ANKS6: variants seen among roughly 807,000 people sequenced by gnomAD.
The protein encoded by ANKS6 is ankyrin repeat and sterile alpha motif domain containing 6.
ANKS6 carries 47 observed loss-of-function variants against 77.9 expected under a neutral mutation model. The observed-to-expected ratio is 0.60, with a 90% CI of 0.48 to 0.77. ANKS6 has a LOEUF of 0.77. Among genes scored for constraint, ANKS6 ranks in the 30% least tolerant of loss-of-function variants. The probability of loss-of-function intolerance (pLI) is 0.00; values close to 1 mark genes in which losing one functional copy is unlikely to be tolerated. For missense variants in ANKS6, 1,150 were observed against 1,159.1 expected, an observed-to-expected ratio of 0.99 and a Z score of 0.11; for synonymous variants, 488 against 501.7, an observed-to-expected ratio of 0.97 and a Z score of 0.37.
chr9:98,791,788 A>G lies in ANKS6; in HGVS notation c.360-1182T>C, dbSNP rs41283632. On this transcript the variant is annotated intron_variant, in intron 1 of 14. Transcript: ENST00000353234. The surrounding 1 kb of genome is among the most constrained non-coding windows in gnomAD (Gnocchi z 4.3). ...CCTCCTGGCGGCTGGCGGCCAGGCC[A>G]GGGCTGAACTCTGTCTGAGGCTCCG... Among the ~76,000 whole-genome samples the G allele has an allele frequency of 8.4e-3, 1,276 of 152,182 alleles. 5 individuals are homozygous for G. The highest frequency in any genetic ancestry group is 0.024 in the South Asian group (116 of 4,810).
chr9:98,774,681 C>T (rs1833831151), intron 8 of ANKS6, among the ~76,000 whole-genome samples: 1 of 152,224 alleles, frequency 6.6e-6, no homozygotes, highest in Admixed American at 6.5e-5. Context: ...TTGCTCCAGC[C>T]ACGCCTCCTG....
intron 11 of ANKS6, among the ~76,000 whole-genome samples, chr9:98,767,314 C>T (rs1833355843): frequency 6.6e-6 from 1 of 152,086 alleles, no homozygotes; most frequent in Admixed American, 6.6e-5. Flanking sequence ...CAAGTTGTTC[C>T]CTCACACCAG....
Position 98,734,513 on chromosome 9 carries a change from C to G in ANKS6, c.*2006G>C. On this transcript the variant is annotated 3_prime_UTR_variant, in exon 15 of 15. Transcript: ENST00000353234. ...AACAATTCTAGGCCTACTGTTAACC[C>G]CTGAAGCCATCAGTAAATTAAAACA... is the stretch of plus-strand genomic sequence containing the variant. 1.0e-6 allele frequency: 1 copy of G among 985,396 alleles called. No homozygotes were observed. The highest frequency in any genetic ancestry group is 1.2e-6 in the Non-Finnish European group (1 of 829,920). 61.0% of individuals were successfully genotyped at this position (985,396 alleles called of 1,614,324 possible). A position where few individuals can be genotyped will look rare whatever the true frequency, so the allele number is the denominator to read the frequency against.
intron 4 of ANKS6, 21 bp downstream of exon 4, chr9:98,783,932 G>T: frequency 6.5e-7 from 1 of 1,536,412 alleles, no homozygotes; most frequent in Non-Finnish European, 8.8e-7. Flanking sequence ...TTGTCGCTGA[G>T]GGCGTGGGGC....
chr9:98,761,382 A>G (rs1475699664), intron 11 of ANKS6, among the ~76,000 whole-genome samples: 1 of 152,148 alleles, frequency 6.6e-6, no homozygotes, highest in African/African-American at 2.4e-5. Flanking sequence ...CAATATTCCC[A>G]TCTCAGCCTC....
In ANKS6 at chr9:98,784,852, A is replaced by C; in HGVS notation, c.887T>G (p.Ile296Ser). The change falls in exon 3 of 15, where the codon ATT becomes AGT. Residue 296 changes from isoleucine (I) to serine (S), a missense_variant. Physicochemically the swap from Ile to Ser is moderately radical, Grantham distance 142 (BLOSUM62 -2). Coordinates refer to ENST00000353234, the MANE Select transcript of ANKS6 (RefSeq NM_173551.5). ...KTDEEKRRPDIFHALKMGNFQ... is the reference protein window; with the variant it reads ...KTDEEKRRPDSFHALKMGNFQ... Reference sequence around the variant, plus strand: ...CTTACCCATTTTCAATGCATGGAAAATATCAGGTCGCCTTTTCTCCTCATC... The same window carrying C: ...CTTACCCATTTTCAATGCATGGAAACTATCAGGTCGCCTTTTCTCCTCATC... 1 of 1,613,688 alleles carries C rather than the reference A, an allele frequency of 6.2e-7. No individual in the cohort carries two copies. Among genetic ancestry groups the C allele is most frequent in the Non-Finnish European group, 8.5e-7 (1 of 1,179,922 alleles).
intron 11 of ANKS6, among the ~76,000 whole-genome samples, chr9:98,760,773 T>C (rs1374601148): frequency 6.7e-6 from 1 of 148,362 alleles, no homozygotes; most frequent in Non-Finnish European, 1.5e-5. Context: ...TACATGAATG[T>C]ACTACAATTA....
At chr9:98,767,300 T>C (rs1414664457) in intron 11 of ANKS6, among the ~76,000 whole-genome samples, 3 of 152,164 alleles carry the variant, frequency 2.0e-5, no homozygotes, top group Admixed American at 6.5e-5. Context: ...TCTGGAGTGC[T>C]ACACAAGTTG....
chr9:98,734,711 T>C lies in ANKS6; in HGVS notation c.*1808A>G, dbSNP rs1831395451. ...GTTTCCCGAATGTGCAAGATGAGGTTACACAATGCCACCTCCAGGGTGGCC... is the reference window on the plus strand; with the variant it reads ...GTTTCCCGAATGTGCAAGATGAGGTCACACAATGCCACCTCCAGGGTGGCC... On this transcript the variant is annotated 3_prime_UTR_variant, in exon 15 of 15. Coordinates refer to ENST00000353234, the MANE Select transcript of ANKS6 (RefSeq NM_173551.5). 1.1e-6 allele frequency: 1 copy of C among 943,200 alleles called. No individual in the cohort carries two copies. Among genetic ancestry groups the C allele is most frequent in the South Asian group, 4.9e-5 (1 of 20,462 alleles). 58.4% of individuals were successfully genotyped at this position (943,200 alleles called of 1,614,324 possible). A position where few individuals can be genotyped will look rare whatever the true frequency, so the allele number is the denominator to read the frequency against.
rs10583416 is a variant in ANKS6 at position 98,770,692 on chromosome 9, ATC to A, written c.1972+202_1972+203del. The stretch of plus-strand genomic sequence containing the variant: ...AGCATTCTGGACTTTATCTTCCTCC[ATC>A]TCCATCCATCTGCATCCCCAAGAAA... On this transcript the variant is annotated intron_variant, in intron 10 of 14. Transcript: ENST00000353234. Among the ~76,000 whole-genome samples, 974 of 152,278 alleles carry A rather than the reference ATC, an allele frequency of 6.4e-3. 9 individuals carry two copies. The highest frequency in any genetic ancestry group is 0.022 in the African/African-American group (914 of 41,544).
intron 2 of ANKS6, among the ~76,000 whole-genome samples, chr9:98,788,926 TTC>T (rs931712005): frequency 1.3e-5 from 2 of 152,226 alleles, no homozygotes; most frequent in African/African-American, 4.8e-5. Context: ...CTTCCTAAAC[TTC>T]TTTTTCCTTT....
At chr9:98,747,106 A>G (rs1832176131) in intron 13 of ANKS6, among the ~76,000 whole-genome samples, 1 of 152,268 alleles carries the variant, frequency 6.6e-6, no homozygotes, top group Admixed American at 6.5e-5. Flanking sequence ...AAGAGTTTAC[A>G]AACAGCTTTA....
intron 8 of ANKS6, among the ~76,000 whole-genome samples, chr9:98,776,526 G>A (rs1039918181): frequency 6.6e-6 from 1 of 151,504 alleles, no homozygotes; most frequent in Non-Finnish European, 1.5e-5. Context: ...TCAGCCTCCC[G>A]AGTATCTGGT....
At chr9:98,745,507 T>A in intron 14 of ANKS6, 52 bp downstream of exon 14, 1 of 1,533,700 alleles carries the variant, frequency 6.5e-7, no homozygotes, top group Non-Finnish European at 9.0e-7. Context: ...AGGACCCTGG[T>A]GAAGCTCTCA....
intron 14 of ANKS6, among the ~76,000 whole-genome samples, chr9:98,739,588 CA>C (rs1488127588): frequency 6.6e-6 from 1 of 152,074 alleles, no homozygotes; most frequent in Non-Finnish European, 1.5e-5. Flanking sequence ...TAGAAGGCCT[CA>C]GACACAAAGC....
intron 11 of ANKS6, among the ~76,000 whole-genome samples, chr9:98,758,809 C>A: frequency 6.6e-6 from 1 of 152,052 alleles, no homozygotes; most frequent in Non-Finnish European, 1.5e-5. Flanking sequence ...TGTACATGTA[C>A]ACAAAAAAAT....
At chr9:98,785,130 G>A (rs1452474209) in intron 2 of ANKS6, among the ~76,000 whole-genome samples, 1 of 152,194 alleles carries the variant, frequency 6.6e-6, no homozygotes, top group African/African-American at 2.4e-5. Flanking sequence ...CTGATCTCAT[G>A]CAAATAAAGC....
At chr9:98,746,026 A>G (rs1409388114) in intron 13 of ANKS6, 1 of 290,548 alleles carries the variant, frequency 3.4e-6, no homozygotes, top group African/African-American at 2.2e-5. Context: ...TTTTAACAAT[A>G]TCGGATACTG....
chr9:98,772,626 C>T (rs748714913), intron 9 of ANKS6, among the ~76,000 whole-genome samples: 3 of 152,180 alleles, frequency 2.0e-5, no homozygotes, highest in Non-Finnish European at 2.9e-5. Flanking sequence ...AAGGGAGGGA[C>T]AGTGACACGA....
Sources: allele counts gnomAD v4.1 joint callset (sites outside exome capture counted in the v4.1 genomes callset), GRCh38; gene constraint gnomAD v4.1.1; non-coding constraint Gnocchi (gnomAD v3.1); transcripts MANE v1.5; gene names NCBI Gene and HGNC (gene_info 2026-07-23, HGNC 2026-07-21).